Variants in OR2A4 observed in about 807,000 individuals in gnomAD.
The protein encoded by OR2A4 is olfactory receptor family 2 subfamily A member 4, also known as olfactory receptor 2A4.
For missense variants in OR2A4, 152 were observed against 313.2 expected, an observed-to-expected ratio of 0.49 and a Z score of 3.88; for synonymous variants, 71 against 126.7, an observed-to-expected ratio of 0.56 and a Z score of 2.95.
At position 131,701,341 on chromosome 6, in the gene OR2A4, T is replaced by G. The variant is rs1299594032; in HGVS notation, c.61A>C (p.Arg21=). 1 of 1,613,468 alleles carries G rather than the reference T, an allele frequency of 6.2e-7. No individual in the cohort carries two copies. The highest frequency in any genetic ancestry group is 8.5e-7 in the Non-Finnish European group (1 of 1,179,828). Residue 21 remains arginine, a synonymous_variant, in exon 1 of 1, where the codon AGG becomes CGG. Coordinates refer to ENST00000315453, the MANE Select transcript of OR2A4 (RefSeq NM_030908.2). The part of the protein sequence containing the change: ...FLLLGFPVGP[R]IQMLLFGLFS... ...AGCCCAAAGAGGAGCATCTGAATCC[T>G]TGGGCCAACGGGAAATCCCAGTAGG...
rs768012291 is a variant in OR2A4, at chr6:131,700,638, A to G, written c.764T>C (p.Ile255Thr). 13 of 1,557,316 alleles carry G rather than the reference A, an allele frequency of 8.3e-6. 2 individuals are homozygous for G. The highest frequency in any genetic ancestry group is 3.5e-4 in the Middle Eastern group (2 of 5,712). The change falls in exon 1 of 1, where the codon ATT becomes ACT. Residue 255 changes from isoleucine to threonine, a missense_variant. Ile to Thr is a moderately conservative substitution (Grantham distance 89). Coordinates refer to ENST00000315453, the MANE Select transcript of OR2A4 (RefSeq NM_030908.2). ...ATATCTGGGTCCAACATACATGATA[A>G]TGGCTGTGCCATAAACGAGTCCAAT... The part of the protein sequence containing the change: ...CVIGLVYGTA[I>T]IMYVGPRYGN...
Position 131,700,391 on chromosome 6 carries a change from C to T in OR2A4, c.*78G>A. 1 of 453,224 alleles carries T rather than the reference C, an allele frequency of 2.2e-6. No homozygotes were observed. The highest frequency in any genetic ancestry group is 3.6e-6 in the Non-Finnish European group (1 of 281,606). The allele number at this position is 453,224 out of a possible 1,614,324, so 28.1% of individuals were successfully genotyped here. A position where few individuals can be genotyped will look rare whatever the true frequency, so the allele number is the denominator to read the frequency against. ...ATGTCCATTGAGGGCAGAGGTCCCA[C>T]CAGTGCAGAGATGGGTTAAGAACCG... is the stretch of plus-strand genomic sequence containing the variant. On this transcript the variant is annotated 3_prime_UTR_variant, in exon 1 of 1. Transcript: ENST00000315453.
In OR2A4 at chr6:131,701,326, G is replaced by A; in HGVS notation, c.76C>T (p.Leu26Phe). Residue 26 changes from leucine to phenylalanine, a missense_variant, in exon 1 of 1, where the codon CTC becomes TTC. Leu to Phe is a conservative substitution (Grantham distance 22). Coordinates refer to ENST00000315453, the MANE Select transcript of OR2A4 (RefSeq NM_030908.2). ...FPVGPRIQML[L>F]FGLFSLFYVF... ...TAGAACAGGGAGAAGAGCCCAAAGA[G>A]GAGCATCTGAATCCTTGGGCCAACG... 6.2e-7 allele frequency: 1 copy of A among 1,612,510 alleles called. No homozygotes were observed. Among genetic ancestry groups the A allele is most frequent in the Non-Finnish European group, 8.5e-7 (1 of 1,179,460 alleles).
At position 131,701,367 on chromosome 6, in the gene OR2A4, A is replaced by T; in HGVS notation, c.35T>A (p.Leu12His). Residue 12 changes from leucine to histidine, a missense_variant, in exon 1 of 1, where the codon CTC (leucine) becomes CAC (histidine). By Grantham distance (99) the Leu-to-His change is moderately conservative. Coordinates refer to ENST00000315453, the MANE Select transcript of OR2A4 (RefSeq NM_030908.2). ...GDNITSIREF[L>H]LLGFPVGPRI... ...TGGGCCAACGGGAAATCCCAGTAGG[A>T]GGAACTCTCTGATGGATGTTATATT... 6.2e-7 allele frequency: 1 copy of T among 1,613,928 alleles called. No individual in the cohort carries two copies. The highest frequency in any genetic ancestry group is 8.5e-7 in the Non-Finnish European group (1 of 1,179,932).
In OR2A4 at chr6:131,701,316, A is replaced by G. The variant is rs774285761; in HGVS notation, c.86T>C (p.Leu29Pro). 41 of 1,609,948 alleles carry G rather than the reference A, an allele frequency of 2.5e-5. No homozygotes were observed. Among genetic ancestry groups the G allele is most frequent in the Admixed American group, 2.0e-4 (12 of 59,742 alleles). The stretch of plus-strand genomic sequence containing the variant: ...GGTGAAGACGTAGAACAGGGAGAAG[A>G]GCCCAAAGAGGAGCATCTGAATCCT... The part of the protein sequence containing the change: ...GPRIQMLLFG[L>P]FSLFYVFTLL... The change falls in exon 1 of 1, where the codon CTC (leucine) becomes CCC (proline). Residue 29 changes from leucine (L) to proline (P), a missense_variant. Coordinates refer to ENST00000315453, the MANE Select transcript of OR2A4 (RefSeq NM_030908.2).
chr6:131,700,727 A>T lies in OR2A4; in HGVS notation c.675T>A (p.Leu225=). The T allele has an allele frequency of 6.4e-7, 1 of 1,554,646 alleles. No homozygotes were observed. Among genetic ancestry groups the T allele is most frequent in the Non-Finnish European group, 8.6e-7 (1 of 1,164,154 alleles). The change falls in exon 1 of 1, where the codon CTT becomes CTA. Residue 225 remains leucine, a synonymous_variant. Coordinates refer to ENST00000315453, the MANE Select transcript of OR2A4 (RefSeq NM_030908.2). The part of the protein sequence containing the change: ...VSYMCILCAI[L]QIQSREVQRK... The stretch of plus-strand genomic sequence containing the variant: ...TCTGAACTTCCCTTGATTGGATCTG[A>T]AGGATAGCACAGAGGATGCACATAT...
rs757468012 is a variant in OR2A4, at chr6:131,700,664, C to A, written c.738G>T (p.Val246=). 7 of 1,559,090 alleles carry A rather than the reference C, an allele frequency of 4.5e-6. 1 individual carries two copies. The highest frequency in any genetic ancestry group is 6.0e-6 in the Non-Finnish European group (7 of 1,166,134). ...TGGCTGTGCCATAAACGAGTCCAAT[C>A]ACACAGAGGTGGGAGAAGCAGGTGC... The part of the protein sequence containing the change: ...AFRTCFSHLC[V]IGLVYGTAII... The change falls in exon 1 of 1, where the codon GTG becomes GTT. Residue 246 remains valine (V), a synonymous_variant. Transcript: ENST00000315453.
Position 131,701,186 on chromosome 6 carries a change from G to A in OR2A4, c.216C>T (p.Tyr72=), listed in dbSNP as rs762454232. Residue 72 remains tyrosine, a synonymous_variant, in exon 1 of 1, where the codon TAC becomes TAT. Transcript: ENST00000315453. ...GCATCCGGGGCACCGTGTTGCAGGC[G>A]TAGGCGATGTCGACGACCGCCAGGT... ...LSHLAVVDIA[Y]ACNTVPRMLV... 8.4e-6 allele frequency: 8 copies of A among 950,114 alleles called. No homozygotes were observed. Among genetic ancestry groups the A allele is most frequent in the Admixed American group, 4.3e-5 (2 of 46,472 alleles). 58.9% of individuals were successfully genotyped at this position (950,114 alleles called of 1,614,324 possible).
rs753054702 is a variant in OR2A4, at chr6:131,700,748, C to A, written c.654G>T (p.Met218Ile). 6.5e-7 allele frequency: 1 copy of A among 1,540,120 alleles called. No individual in the cohort carries two copies. Among genetic ancestry groups the A allele is most frequent in the Non-Finnish European group, 8.7e-7 (1 of 1,154,624 alleles). The change falls in exon 1 of 1, where the codon ATG becomes ATT. Residue 218 changes from methionine to isoleucine, a missense_variant. Physicochemically the swap from Met to Ile is conservative, Grantham distance 10 (BLOSUM62 1). Coordinates refer to ENST00000315453, the MANE Select transcript of OR2A4 (RefSeq NM_030908.2). Reference sequence around the variant, plus strand: ...TCTGAAGGATAGCACAGAGGATGCACATATATGAAACTACAATTGTGGACA... The same window carrying A: ...TCTGAAGGATAGCACAGAGGATGCAAATATATGAAACTACAATTGTGGACA... ...GPLSTIVVSY[M>I]CILCAILQIQ...
chr6:131,701,372 C>T lies in OR2A4; in HGVS notation c.30G>A (p.Glu10=). The T allele has an allele frequency of 6.2e-7, 1 of 1,613,950 alleles. No individual in the cohort carries two copies. The change falls in exon 1 of 1, where the codon GAG becomes GAA. Residue 10 remains glutamate, a synonymous_variant. Transcript: ENST00000315453. ...CAACGGGAAATCCCAGTAGGAGGAA[C>T]TCTCTGATGGATGTTATATTGTCTC... is the stretch of plus-strand genomic sequence containing the variant. The part of the protein sequence containing the change: MGDNITSIR[E]FLLLGFPVGP...
chr6:131,700,703 C>G lies in OR2A4; in HGVS notation c.699G>C (p.Gln233His), dbSNP rs551502099. Residue 233 changes from glutamine (Q) to histidine (H), a missense_variant, in exon 1 of 1, where the codon CAG (glutamine) becomes CAC (histidine). Physicochemically the swap from Gln to His is conservative, Grantham distance 24. Transcript: ENST00000315453. ...AILQIQSREVQRKAFRTCFSH... is the reference protein window; with the variant it reads ...AILQIQSREVHRKAFRTCFSH... The stretch of plus-strand genomic sequence containing the variant: ...AGAAGCAGGTGCGGAAGGCTTTCCT[C>G]TGAACTTCCCTTGATTGGATCTGAA... 4.5e-6 allele frequency: 7 copies of G among 1,558,510 alleles called. 1 individual carries two copies. Among genetic ancestry groups the G allele is most frequent in the Non-Finnish European group, 6.0e-6 (7 of 1,165,858 alleles).
rs1480079134 is a variant in OR2A4 at position 131,700,406 on chromosome 6, G to A, written c.*63C>T. The A allele has an allele frequency of 9.5e-6, 5 of 527,764 alleles. No homozygotes were observed. Among genetic ancestry groups the A allele is most frequent in the Admixed American group, 4.2e-5 (1 of 23,676 alleles). The allele number at this position is 527,764 out of a possible 1,614,324, so 32.7% of individuals were successfully genotyped here. ...AGAGGTCCCACCAGTGCAGAGATGGGTTAAGAACCGCTCAATGATGTAACT... is the reference window on the plus strand; with the variant it reads ...AGAGGTCCCACCAGTGCAGAGATGGATTAAGAACCGCTCAATGATGTAACT... On this transcript the variant is annotated 3_prime_UTR_variant, in exon 1 of 1. Coordinates refer to ENST00000315453, the MANE Select transcript of OR2A4 (RefSeq NM_030908.2).
Position 131,700,327 on chromosome 6 carries a change from A to G in OR2A4, c.*142T>C. ...ATCAGTCATTTAAAGGTAGGGCAGG[A>G]GATAGCTCCATTTTAAATAAATGTC... On this transcript the variant is annotated 3_prime_UTR_variant, in exon 1 of 1. Coordinates refer to ENST00000315453, the MANE Select transcript of OR2A4 (RefSeq NM_030908.2). The G allele has an allele frequency of 3.1e-6, 1 of 320,198 alleles. No individual in the cohort carries two copies. Among genetic ancestry groups the G allele is most frequent in the South Asian group, 2.8e-5 (1 of 35,978 alleles). 19.8% of individuals were successfully genotyped at this position (320,198 alleles called of 1,614,324 possible). A position where few individuals can be genotyped will look rare whatever the true frequency, so the allele number is the denominator to read the frequency against.
chr6:131,701,126 G>A lies in OR2A4; in HGVS notation c.276C>T (p.Ser92=), dbSNP rs1324586913. ...VNLLHPAKPI[S]FAGRMMQTFL... ...AGGTCTGCATCATGCGGCCCGCAAA[G>A]GAGATGGGCTTGGCTGGATGCAGGA... Residue 92 remains serine (S), a synonymous_variant, in exon 1 of 1, where the codon TCC becomes TCT. Transcript: ENST00000315453. The A allele has an allele frequency of 3.0e-6, 2 of 656,670 alleles. No homozygotes were observed. Among genetic ancestry groups the A allele is most frequent in the Non-Finnish European group, 5.0e-6 (2 of 399,844 alleles). The allele number at this position is 656,670 out of a possible 1,614,324, so 40.7% of individuals were successfully genotyped here.
chr6:131,700,962 G>A lies in OR2A4; in HGVS notation c.440C>T (p.Ser147Phe). ...GGATAAAAGGACTCCAGTGGTCCAGGAAGTCACCGCGAGGGTGATGCAGAC... is the reference window on the plus strand; with the variant it reads ...GGATAAAAGGACTCCAGTGGTCCAGAAAGTCACCGCGAGGGTGATGCAGAC... ...WRVCITLAVT[S>F]WTTGVLLSLI... Residue 147 changes from serine to phenylalanine, a missense_variant, in exon 1 of 1, where the codon TCC becomes TTC. Ser to Phe is a radical substitution (Grantham distance 155). Transcript: ENST00000315453. 1 of 617,078 alleles carries A rather than the reference G, an allele frequency of 1.6e-6. No individual in the cohort carries two copies. The highest frequency in any genetic ancestry group is 1.9e-5 in the South Asian group (1 of 51,450). The allele number at this position is 617,078 out of a possible 1,614,324, so 38.2% of individuals were successfully genotyped here. A position where few individuals can be genotyped will look rare whatever the true frequency, so the allele number is the denominator to read the frequency against.
chr6:131,701,327 G>A lies in OR2A4; in HGVS notation c.75C>T (p.Leu25=), dbSNP rs141134579. ...GFPVGPRIQM[L]LFGLFSLFYV... ...AGAACAGGGAGAAGAGCCCAAAGAGGAGCATCTGAATCCTTGGGCCAACGG... is the reference window on the plus strand; with the variant it reads ...AGAACAGGGAGAAGAGCCCAAAGAGAAGCATCTGAATCCTTGGGCCAACGG... The change falls in exon 1 of 1, where the codon CTC becomes CTT. Residue 25 remains leucine, a synonymous_variant. Coordinates refer to ENST00000315453, the MANE Select transcript of OR2A4 (RefSeq NM_030908.2). 1.2e-6 allele frequency: 2 copies of A among 1,612,626 alleles called. No homozygotes were observed. The highest frequency in any genetic ancestry group is 2.2e-5 in the East Asian group (1 of 44,766).
At position 131,701,369 on chromosome 6, in the gene OR2A4, G is replaced by T; in HGVS notation, c.33C>A (p.Phe11Leu). MGDNITSIRE[F>L]LLLGFPVGPR... ...GGCCAACGGGAAATCCCAGTAGGAG[G>T]AACTCTCTGATGGATGTTATATTGT... Residue 11 changes from phenylalanine (F) to leucine (L), a missense_variant, in exon 1 of 1, where the codon TTC becomes TTA. By Grantham distance (22) the Phe-to-Leu change is conservative. Transcript: ENST00000315453. 1 of 1,613,930 alleles carries T rather than the reference G, an allele frequency of 6.2e-7. No individual in the cohort carries two copies. Among genetic ancestry groups the T allele is most frequent in the Non-Finnish European group, 8.5e-7 (1 of 1,179,938 alleles).
chr6:131,700,722 A>T lies in OR2A4; in HGVS notation c.680T>A (p.Ile227Asn). ...YMCILCAILQ[I>N]QSREVQRKAF... ...TTTCCTCTGAACTTCCCTTGATTGGATCTGAAGGATAGCACAGAGGATGCA... is the reference window on the plus strand; with the variant it reads ...TTTCCTCTGAACTTCCCTTGATTGGTTCTGAAGGATAGCACAGAGGATGCA... Residue 227 changes from isoleucine (I) to asparagine (N), a missense_variant, in exon 1 of 1, where the codon ATC (isoleucine) becomes AAC (asparagine). Ile to Asn is a moderately radical substitution (Grantham distance 149). Coordinates refer to ENST00000315453, the MANE Select transcript of OR2A4 (RefSeq NM_030908.2). 4 of 1,555,898 alleles carry T rather than the reference A, an allele frequency of 2.6e-6. 1 individual carries two copies. The highest frequency in any genetic ancestry group is 3.4e-6 in the Non-Finnish European group (4 of 1,164,748).
In OR2A4 at chr6:131,700,654, C is replaced by T. The variant is rs777781396; in HGVS notation, c.748G>A (p.Val250Ile). The T allele has an allele frequency of 1.3e-5, 21 of 1,557,796 alleles. 3 individuals carry two copies. The highest frequency in any genetic ancestry group is 4.7e-5 in the South Asian group (4 of 85,870). ...CFSHLCVIGL[V>I]YGTAIIMYVG... ...TACATGATAATGGCTGTGCCATAAA[C>T]GAGTCCAATCACACAGAGGTGGGAG... Residue 250 changes from valine to isoleucine, a missense_variant, in exon 1 of 1, where the codon GTT (valine) becomes ATT (isoleucine). Coordinates refer to ENST00000315453, the MANE Select transcript of OR2A4 (RefSeq NM_030908.2).
Sources: allele counts gnomAD v4.1 joint callset, GRCh38; gene constraint gnomAD v4.1.1; transcripts MANE v1.5; gene names NCBI Gene and HGNC (gene_info 2026-07-23, HGNC 2026-07-21).